CLIP2: variants seen among roughly 807,000 people sequenced by gnomAD.
CLIP2 encodes the protein CAP-Gly domain containing linker protein 2.
A neutral mutation model predicts 111.7 loss-of-function variants in CLIP2; 41 were observed. The observed-to-expected ratio is 0.37, with a 90% CI of 0.29 to 0.48. The LOEUF (loss-of-function observed/expected upper bound fraction) is 0.48, where lower values mean the gene tolerates loss of function less well. Among genes scored for constraint, CLIP2 ranks in the 20% least tolerant of loss-of-function variants. The pLI is 0.99. For missense variants in CLIP2, 1,160 were observed against 1,422.1 expected (o/e 0.82, Z 2.96); for synonymous variants, 660 against 644.2 (o/e 1.02, Z -0.37).
At chr7:74,393,098 C>G (rs1184264057) in intron 13 of CLIP2, among the ~76,000 whole-genome samples, 1 of 149,364 alleles carries the variant, frequency 6.7e-6, no homozygotes. Flanking sequence ...TACAGTGGCG[C>G]GATCTCAGGT....
rs367800976 is a variant in CLIP2 at position 74,331,869 on chromosome 7, A to G, written c.122-6579A>G. Among the ~76,000 whole-genome samples, 6 of 151,998 alleles carry G rather than the reference A, an allele frequency of 3.9e-5. No homozygotes were observed. In the East Asian group the frequency reaches 9.7e-4, roughly 25 times the overall value. ...ATTACAGGTGTGATCCACCACGCCC[A>G]GCCGGGATCAGTTTCATTCTACATC... is the stretch of plus-strand genomic sequence containing the variant. On this transcript the variant is annotated intron_variant, in intron 2 of 16. Coordinates refer to ENST00000223398, the MANE Select transcript of CLIP2 (RefSeq NM_003388.5).
At chr7:74,344,769 C>T in intron 3 of CLIP2, among the ~76,000 whole-genome samples, 1 of 151,972 alleles carries the variant, frequency 6.6e-6, no homozygotes, top group East Asian at 1.9e-4. Flanking sequence ...CAGCAGGATC[C>T]AAGACTGATT....
intron 2 of CLIP2, among the ~76,000 whole-genome samples, chr7:74,323,840 T>C (rs1369567768): frequency 2.0e-5 from 3 of 152,220 alleles, no homozygotes; most frequent in Non-Finnish European, 4.4e-5. Flanking sequence ...AGCAGTGGAC[T>C]AGACCATATA....
chr7:74,392,423 C>T (rs1791318677), intron 13 of CLIP2, among the ~76,000 whole-genome samples: 1 of 151,742 alleles, frequency 6.6e-6, no homozygotes, highest in Admixed American at 6.6e-5. Flanking sequence ...GTCCCAGCTA[C>T]TCAGGAGGCT....
intron 13 of CLIP2, among the ~76,000 whole-genome samples, chr7:74,394,121 C>T (rs1486696963): frequency 6.6e-6 from 1 of 152,168 alleles, no homozygotes; most frequent in African/African-American, 2.4e-5. Context: ...GCCACATTTC[C>T]TCTTTCCCAG....
At chr7:74,340,357 C>T (rs1045414158) in intron 3 of CLIP2, among the ~76,000 whole-genome samples, 1 of 152,170 alleles carries the variant, frequency 6.6e-6, no homozygotes, top group Admixed American at 6.6e-5. Context: ...GATCATGCCA[C>T]TGCACTCCAG....
intron 2 of CLIP2, among the ~76,000 whole-genome samples, chr7:74,326,982 G>A (rs1456018454): frequency 6.6e-6 from 1 of 151,938 alleles, no homozygotes; most frequent in Non-Finnish European, 1.5e-5. Context: ...CCAGGCTGGA[G>A]TGCAGCGGCA....
At chr7:74,340,492 G>A (rs1273344521) in intron 3 of CLIP2, among the ~76,000 whole-genome samples, 2 of 152,198 alleles carry the variant, frequency 1.3e-5, no homozygotes, top group Admixed American at 6.6e-5. Flanking sequence ...AGTGATCAGT[G>A]TTATTGAAGT....
chr7:74,353,350 A>G (rs1186588204), intron 3 of CLIP2, among the ~76,000 whole-genome samples: 1 of 150,582 alleles, frequency 6.6e-6, no homozygotes, highest in Non-Finnish European at 1.5e-5. Context: ...TCCTGGGTTC[A>G]TGCCATTCTT....
chr7:74,289,697 G>A lies in CLIP2; in HGVS notation c.-105G>A, dbSNP rs1304835282. The A allele has an allele frequency of 2.0e-5, 3 of 152,170 alleles. No individual in the cohort carries two copies. Among genetic ancestry groups the A allele is most frequent in the Non-Finnish European group, 4.4e-5 (3 of 68,054 alleles). 9.4% of individuals were successfully genotyped at this position (152,170 alleles called of 1,614,324 possible). The stretch of plus-strand genomic sequence containing the variant: ...GAGAGGAGGAGGCCGGGGCTCTCCG[G>A]GCCTCCCGCCGCTTAGCCTGATGCT... On this transcript the variant is annotated 5_prime_UTR_variant, in exon 1 of 17. Coordinates refer to ENST00000223398, the MANE Select transcript of CLIP2 (RefSeq NM_003388.5).
chr7:74,378,054 G>T (rs1043585883), intron 10 of CLIP2, among the ~76,000 whole-genome samples: 3 of 152,116 alleles, frequency 2.0e-5, no homozygotes, highest in South Asian at 2.1e-4. Flanking sequence ...TCAAACTCCT[G>T]ACTTCAGGTG....
intron 13 of CLIP2, among the ~76,000 whole-genome samples, chr7:74,390,494 A>T (rs1198517546): frequency 6.6e-6 from 1 of 151,626 alleles, no homozygotes; most frequent in East Asian, 1.9e-4. Context: ...ACATGGCAAA[A>T]CCCCTCTCTA....
chr7:74,342,117 T>A (rs1441255534), intron 3 of CLIP2, among the ~76,000 whole-genome samples: 2 of 152,178 alleles, frequency 1.3e-5, no homozygotes, highest in Non-Finnish European at 2.9e-5. Flanking sequence ...GGTTCACACC[T>A]GTAATCCCAG....
intron 1 of CLIP2, among the ~76,000 whole-genome samples, chr7:74,294,705 C>T (rs115375241): frequency 3.1e-3 from 473 of 152,328 alleles, no homozygotes; most frequent in African/African-American, 0.011. Flanking sequence ...AGCCCCTGCC[C>T]ACCTCACAAT....
At chr7:74,372,864 C>A (rs1390722995) in intron 8 of CLIP2, 68 bp from the exon 9 acceptor site, 1 of 803,690 alleles carries the variant, frequency 1.2e-6, no homozygotes, top group Non-Finnish European at 2.0e-6. Flanking sequence ...CCGGCTTCTT[C>A]TTCCCTGTGC....
rs141072523 is a variant in CLIP2, at chr7:74,378,264, A to G, written c.2421+1442A>G. ...CACTTCAGCCTTCCAAGTCGCCAGG[A>G]CCACAGGTGTGCCCCACCACACCTG... On this transcript the variant is annotated intron_variant, in intron 10 of 16. Transcript: ENST00000223398. Among the ~76,000 whole-genome samples the G allele has an allele frequency of 3.9e-3, 590 of 151,722 alleles. 2 individuals carry two copies. The highest frequency in any genetic ancestry group is 0.014 in the African/African-American group (565 of 41,350).
intron 1 of CLIP2, among the ~76,000 whole-genome samples, chr7:74,293,025 TG>T (rs1474208980): frequency 1.3e-5 from 2 of 152,330 alleles, no homozygotes; most frequent in African/African-American, 4.8e-5. Flanking sequence ...GCTCCCAGGC[TG>T]GGCACACCCA....
At chr7:74,380,101 C>G (rs1250338397) in intron 10 of CLIP2, 2 of 152,036 alleles carry the variant, frequency 1.3e-5, no homozygotes, top group African/African-American at 4.8e-5. Flanking sequence ...ATAGAGGTGA[C>G]TGCCTACTCA....
chr7:74,354,487 C>T (rs1219853279), intron 4 of CLIP2, among the ~76,000 whole-genome samples: 3 of 152,088 alleles, frequency 2.0e-5, no homozygotes, highest in African/African-American at 2.4e-5. Flanking sequence ...TGGTGACACA[C>T]GCCTGTAATC....
Sources: gnomAD v4.1 joint callset for allele counts (sites outside exome capture counted in the v4.1 genomes callset) on GRCh38, gnomAD v4.1.1 for gene constraint, MANE v1.5 for transcripts, NCBI Gene and HGNC (gene_info 2026-07-23, HGNC 2026-07-21) for gene names.